FAF1: variants seen among roughly 807,000 people sequenced by gnomAD.
FAF1 encodes the protein Fas associated factor 1, also known as FAS-associated factor 1.
In FAF1, 25 loss-of-function variants were observed where a neutral mutation model predicts 92.5. The ratio of observed to expected loss-of-function variants is 0.27; its 90% CI spans 0.20 to 0.38. The LOEUF (loss-of-function observed/expected upper bound fraction) is 0.38, where lower values mean the gene tolerates loss of function less well. FAF1 is among the 10% of genes least tolerant of loss of function. FAF1 has a pLI of 1.00. For missense variants in FAF1, 636 were observed against 793.3 expected (o/e 0.80, Z 2.38); for synonymous variants, 234 against 273.2 (o/e 0.86, Z 1.42).
chr1:50,960,163 A>G lies in FAF1; in HGVS notation c.-352T>C, dbSNP rs1645305922. 1 of 322,360 alleles carries G rather than the reference A, an allele frequency of 3.1e-6. No homozygotes were observed. Among genetic ancestry groups the G allele is most frequent in the Admixed American group, 5.0e-5 (1 of 20,116 alleles). The allele number at this position is 322,360 out of a possible 1,614,324, so 20.0% of individuals were successfully genotyped here. A position where few individuals can be genotyped will look rare whatever the true frequency, so the allele number is the denominator to read the frequency against. On this transcript the variant is annotated 5_prime_UTR_variant, in exon 1 of 19. Coordinates refer to ENST00000396153, the MANE Select transcript of FAF1 (RefSeq NM_007051.3). ...CACCCGGATACCTTCAGCGGCGTTA[A>G]GCCCGGCGGGGGCGGGGAAACCGAG...
rs368098538 is a variant in FAF1, at chr1:50,679,499, C to A, written c.658-23971G>T. Among the ~76,000 whole-genome samples, 28 of 151,056 alleles carry A rather than the reference C, an allele frequency of 1.9e-4. No individual in the cohort carries two copies. The South Asian group carries it at 4.6e-3, about 25-fold the overall frequency. On this transcript the variant is annotated intron_variant, in intron 7 of 18. Transcript: ENST00000396153. ...TTGCCCAACAGATGATCCTGCCTCT[C>A]TACTCAGACATTTAACAGACAATAA...
chr1:50,642,012 G>A (rs756952092), intron 8 of FAF1, among the ~76,000 whole-genome samples: 60 of 151,878 alleles, frequency 4.0e-4, no homozygotes, highest in Non-Finnish European at 6.8e-4. Flanking sequence ...ACACCACCCT[G>A]GGCAACATGG....
chr1:50,572,839 C>T (rs531390305), intron 12 of FAF1, among the ~76,000 whole-genome samples: 2 of 152,232 alleles, frequency 1.3e-5, no homozygotes, highest in East Asian at 3.9e-4. Context: ...AGATTGGCTG[C>T]TTCTTTATGA....
In FAF1 at chr1:50,582,814, A is replaced by C. The variant is rs1172158976; in HGVS notation, c.1032-115T>G. On this transcript the variant is annotated intron_variant, in intron 11 of 18. Coordinates refer to ENST00000396153, the MANE Select transcript of FAF1 (RefSeq NM_007051.3). The stretch of plus-strand genomic sequence containing the variant: ...TGGGGCTAATGTCTAGTGCATACTA[A>C]ACATAAAAACATTTCTTTAAAAGCT... 2.0e-5 allele frequency: 13 copies of C among 647,152 alleles called. No individual in the cohort carries two copies. The Admixed American group carries it at 3.2e-4, about 16-fold the overall frequency. 40.1% of individuals were successfully genotyped at this position (647,152 alleles called of 1,614,324 possible).
At chr1:50,955,476 A>G (rs1022753708) in intron 1 of FAF1, among the ~76,000 whole-genome samples, 9 of 152,202 alleles carry the variant, frequency 5.9e-5, no homozygotes, top group Non-Finnish European at 1.0e-4. Context: ...TTCTAAATTC[A>G]TTTGCTCAGA....
chr1:50,890,390 T>C (rs1464598126), intron 1 of FAF1, among the ~76,000 whole-genome samples: 1 of 152,198 alleles, frequency 6.6e-6, no homozygotes, highest in Non-Finnish European at 1.5e-5. Context: ...ATGTGTGAAT[T>C]TGATCCTGTC....
rs562783357 is a variant in FAF1, at chr1:50,814,592, T to C, written c.115-12915A>G. Among the ~76,000 whole-genome samples, 3 of 152,262 alleles carry C rather than the reference T, an allele frequency of 2.0e-5. No individual in the cohort carries two copies. In the South Asian group the frequency reaches 6.2e-4, roughly 32 times the overall value. ...ACTACATGTATGTATCTCAAAAACA[T>C]TATGCTAAGCGAATAGTTAGATACG... On this transcript the variant is annotated intron_variant, in intron 2 of 18. Coordinates refer to ENST00000396153, the MANE Select transcript of FAF1 (RefSeq NM_007051.3).
intron 5 of FAF1, among the ~76,000 whole-genome samples, chr1:50,739,365 C>T (rs1659286430): frequency 6.6e-6 from 1 of 151,328 alleles, no homozygotes; most frequent in Non-Finnish European, 1.5e-5. Context: ...TACATGTGTA[C>T]ACGTACATAC....
intron 15 of FAF1, among the ~76,000 whole-genome samples, chr1:50,498,567 A>G (rs1646929690): frequency 6.6e-6 from 1 of 152,176 alleles, no homozygotes; most frequent in African/African-American, 2.4e-5. Flanking sequence ...AGCTAATTAA[A>G]AAATGGTCAA....
intron 15 of FAF1, among the ~76,000 whole-genome samples, chr1:50,513,726 CT>C (rs1376099273): frequency 6.6e-6 from 1 of 152,088 alleles, no homozygotes; most frequent in Admixed American, 6.5e-5. Flanking sequence ...TATTTCAAAG[CT>C]TACAAAGCAC....
intron 1 of FAF1, among the ~76,000 whole-genome samples, chr1:50,916,576 C>T (rs150949449): frequency 5.9e-5 from 9 of 152,306 alleles, no homozygotes; most frequent in South Asian, 2.1e-4. Context: ...AACGTAGAAA[C>T]AAAGATCTTC....
intron 1 of FAF1, among the ~76,000 whole-genome samples, chr1:50,883,341 C>A (rs374039528): frequency 6.6e-6 from 1 of 152,066 alleles, no homozygotes; most frequent in Non-Finnish European, 1.5e-5. Flanking sequence ...AGTATCACCC[C>A]CAGATTACTT....
intron 8 of FAF1, among the ~76,000 whole-genome samples, chr1:50,596,903 T>C (rs1363742487): frequency 1.3e-5 from 2 of 152,202 alleles, no homozygotes; most frequent in African/African-American, 4.8e-5. Flanking sequence ...ATTGCAAGTA[T>C]TAAAAGTCCT....
At chr1:50,888,055 G>C (rs1644684739) in intron 1 of FAF1, among the ~76,000 whole-genome samples, 1 of 152,122 alleles carries the variant, frequency 6.6e-6, no homozygotes, top group South Asian at 2.1e-4. Flanking sequence ...TTACTTCATT[G>C]AGCAGTGGTT....
At chr1:50,600,057 T>C (rs747993593) in intron 8 of FAF1, among the ~76,000 whole-genome samples, 3 of 152,150 alleles carry the variant, frequency 2.0e-5, no homozygotes, top group Non-Finnish European at 4.4e-5. Flanking sequence ...GTATCCCTAA[T>C]TGCTGAACAT....
At chr1:50,645,863 C>T (rs1198380055) in intron 8 of FAF1, among the ~76,000 whole-genome samples, 5 of 151,710 alleles carry the variant, frequency 3.3e-5, no homozygotes, top group African/African-American at 9.7e-5. Flanking sequence ...AAAAATAAAT[C>T]GGTGTGAATG....
At chr1:50,891,320 CAG>C (rs112580559) in intron 1 of FAF1, among the ~76,000 whole-genome samples, 3,045 of 152,200 alleles carry the variant, frequency 0.02, 96 homozygotes, top group African/African-American at 0.07. Context: ...TCCTTTAGCC[CAG>C]AGAAGTTTGG....
At chr1:50,581,025 G>A (rs937733391) in intron 12 of FAF1, among the ~76,000 whole-genome samples, 3 of 152,134 alleles carry the variant, frequency 2.0e-5, no homozygotes, top group Non-Finnish European at 2.9e-5. Flanking sequence ...TCCACTCGCC[G>A]TGGCTTCCCA....
At chr1:50,708,357 A>G (rs530019074) in intron 6 of FAF1, among the ~76,000 whole-genome samples, 37 of 152,268 alleles carry the variant, frequency 2.4e-4, no homozygotes, top group African/African-American at 7.2e-4. Context: ...GTGTGAGAGA[A>G]AAACATAACC....
Sources: gnomAD v4.1 joint callset for allele counts (sites outside exome capture counted in the v4.1 genomes callset) on GRCh38, gnomAD v4.1.1 for gene constraint, MANE v1.5 for transcripts, NCBI Gene and HGNC (gene_info 2026-07-23, HGNC 2026-07-21) for gene names.